PCSK9: variants seen among roughly 807,000 people sequenced by gnomAD.
The protein encoded by PCSK9 is convertase subtilisin/kexin type 9 preproprotein.
A neutral mutation model predicts 62.1 loss-of-function variants in PCSK9; 57 were observed. The ratio of observed to expected loss-of-function variants is 0.92; its 90% CI spans 0.74 to 1.14. The LOEUF is 1.14. Ranked by LOEUF, PCSK9 falls within the 50% of genes most tolerant of loss-of-function variation. The pLI is 0.00. For synonymous variants in PCSK9, 387 were observed against 409.4 expected, an observed-to-expected ratio of 0.95 and a Z score of 0.66; for missense variants, 870 against 959.8, an observed-to-expected ratio of 0.91 and a Z score of 1.24.
chr1:55,064,198 C>T lies in PCSK9; in HGVS notation c.*614C>T, dbSNP rs17111557. On this transcript the variant is annotated 3_prime_UTR_variant, in exon 12 of 12. Coordinates refer to ENST00000302118, the MANE Select transcript of PCSK9 (RefSeq NM_174936.4). ...GCTGTGCCTTGGTTTCCTGAGCCACCTTTACTCTGCTCTATGCCAGGCTGT... is the reference window on the plus strand; with the variant it reads ...GCTGTGCCTTGGTTTCCTGAGCCACTTTTACTCTGCTCTATGCCAGGCTGT... 0.03 allele frequency: 4,664 copies of T among 155,302 alleles called. 182 individuals are homozygous for T. The highest frequency in any genetic ancestry group is 0.088 in the African/African-American group (3,664 of 41,564). The allele number at this position is 155,302 out of a possible 1,614,324, so 9.6% of individuals were successfully genotyped here.
chr1:55,046,409 G>A (rs1644635115), intron 2 of PCSK9, 114 bp from the exon 3 acceptor site: 1 of 1,501,436 alleles, frequency 6.7e-7, no homozygotes, highest in Non-Finnish European at 9.2e-7. Flanking sequence ...AAGGTGGGAG[G>A]CTGCTGGGCT....
chr1:55,057,632 G>A (rs1644725398), intron 7 of PCSK9, 118 bp downstream of exon 7: 1 of 1,214,154 alleles, frequency 8.2e-7, no homozygotes, highest in Non-Finnish European at 1.2e-6. Flanking sequence ...GATGAAGTAG[G>A]CCTGATGGTG....
chr1:55,054,708 T>TA (rs1253448874), intron 5 of PCSK9, among the ~76,000 whole-genome samples: 4 of 152,142 alleles, frequency 2.6e-5, no homozygotes, highest in African/African-American at 9.7e-5. Flanking sequence ...GGCAGAGGGT[T>TA]AGAACTGTTA....
intron 3 of PCSK9, among the ~76,000 whole-genome samples, chr1:55,048,809 G>A (rs115451406): frequency 1.9e-3 from 289 of 152,342 alleles, no homozygotes; most frequent in African/African-American, 6.7e-3. Context: ...CACTCTGGGG[G>A]GCTGTTTGGA....
intron 9 of PCSK9, among the ~76,000 whole-genome samples, 184 bp downstream of exon 9, chr1:55,058,831 C>T (rs1370056139): frequency 2.0e-5 from 3 of 152,134 alleles, no homozygotes; most frequent in Admixed American, 6.5e-5. Flanking sequence ...TCACTTCACG[C>T]GGCTGGGGGC....
At chr1:55,049,999 ACG>A (rs1340843284) in intron 3 of PCSK9, among the ~76,000 whole-genome samples, 3 of 19,418 alleles carry the variant, frequency 1.5e-4, no homozygotes, top group Non-Finnish European at 4.2e-4. Context: ...CTCACACACG[ACG>A]AGGAACATGG....
chr1:55,042,913 C>A (rs1328375383), intron 1 of PCSK9, among the ~76,000 whole-genome samples: 2 of 152,182 alleles, frequency 1.3e-5, no homozygotes, highest in Non-Finnish European at 1.5e-5. Flanking sequence ...TGAGTAAGTT[C>A]TCCCGCTATG....
chr1:55,057,348 C>T lies in PCSK9; in HGVS notation c.1014C>T (p.Ala338=), dbSNP rs770539255. 2.5e-6 allele frequency: 4 copies of T among 1,613,846 alleles called. No individual in the cohort carries two copies. In the African/African-American group the frequency reaches 5.3e-5, roughly 22 times the overall value. The change falls in exon 7 of 12, where the codon GCC becomes GCT. Residue 338 remains alanine (A), a synonymous_variant. Transcript: ENST00000302118. The stretch of plus-strand genomic sequence containing the variant: ...CTTTCCAGGTCATCACAGTTGGGGC[C>T]ACCAATGCCCAAGACCAGCCGGTGA... ...ASAPEVITVG[A]TNAQDQPVTL...
intron 11 of PCSK9, among the ~76,000 whole-genome samples, chr1:55,062,532 C>T (rs974924143): frequency 3.9e-5 from 6 of 152,046 alleles, no homozygotes; most frequent in African/African-American, 1.5e-4. Context: ...TGAAAAGATG[C>T]GATGGAGAAA....
chr1:55,043,870 G>GT lies in PCSK9; in HGVS notation c.236dup (p.Val80GlyfsTer91). 1 of 1,614,168 alleles carries GT rather than the reference G, an allele frequency of 6.2e-7. No homozygotes were observed. The highest frequency in any genetic ancestry group is 8.5e-7 in the Non-Finnish European group (1 of 1,180,022). ...TCCGTGGAGGTTGCCTGGCACCTAC[G>GT]TGGTGGTGCTGAAGGAGGAGACCCA... On this transcript the variant is annotated frameshift_variant, in exon 2 of 12. Transcript: ENST00000302118. LOFTEE classifies it high-confidence loss of function.
Position 55,040,218 on chromosome 1 carries a change from G to A in PCSK9, c.207+174G>A, listed in dbSNP as rs1181429547. On this transcript the variant is annotated intron_variant, in intron 1 of 11. Coordinates refer to ENST00000302118, the MANE Select transcript of PCSK9 (RefSeq NM_174936.4). This position sits in a 1 kb window ranked among gnomAD's most constrained non-coding sequence, Gnocchi z 4.1. Reference sequence around the variant, plus strand: ...TGCAGGCAAGGCGGCGGGGGAGGACGGGTAGTGGGGAGCACGGTGGAGAGC... The same window carrying A: ...TGCAGGCAAGGCGGCGGGGGAGGACAGGTAGTGGGGAGCACGGTGGAGAGC... 1.3e-5 allele frequency among the ~76,000 whole-genome samples: 2 copies of A among 152,220 alleles called. No individual in the cohort carries two copies. The highest frequency in any genetic ancestry group is 2.9e-5 in the Non-Finnish European group (2 of 68,040).
chr1:55,049,118 G>A (rs1343593101), intron 3 of PCSK9, among the ~76,000 whole-genome samples: 1 of 152,250 alleles, frequency 6.6e-6, no homozygotes, highest in Non-Finnish European at 1.5e-5. Context: ...GCGAGCCTGT[G>A]TATCCAGCAG....
intron 3 of PCSK9, among the ~76,000 whole-genome samples, chr1:55,047,687 G>C (rs1434087656): frequency 6.6e-6 from 1 of 152,236 alleles, no homozygotes; most frequent in African/African-American, 2.4e-5. Context: ...CATTGCAACA[G>C]ATCAGAGCTG....
In PCSK9 at chr1:55,040,441, C is replaced by G. The variant is rs1319148944; in HGVS notation, c.207+397C>G. 6.6e-6 allele frequency among the ~76,000 whole-genome samples: 1 copy of G among 152,148 alleles called. No homozygotes were observed. The highest frequency in any genetic ancestry group is 1.5e-5 in the Non-Finnish European group (1 of 68,026). ...GTGAATGCCTGGAACGTACTGGGAACTGCACCAGGCACAGAGAAAGCGGGC... is the reference window on the plus strand; with the variant it reads ...GTGAATGCCTGGAACGTACTGGGAAGTGCACCAGGCACAGAGAAAGCGGGC... On this transcript the variant is annotated intron_variant, in intron 1 of 11. Transcript: ENST00000302118. The surrounding 1 kb of genome is among the most constrained non-coding windows in gnomAD (Gnocchi z 4.1).
In PCSK9 at chr1:55,056,120, C is replaced by A; in HGVS notation, c.927C>A (p.Val309=). The change falls in exon 6 of 12, where the codon GTC becomes GTA. Residue 309 remains valine, a synonymous_variant. Transcript: ENST00000302118. ...GCCAGCGCCTGGCGAGGGCTGGGGT[C>A]GTGCTGGTCACCGCTGCCGGCAACT... ...AACQRLARAG[V]VLVTAAGNFR... is the part of the protein sequence containing the mutation. The A allele has an allele frequency of 3.8e-6, 6 of 1,578,030 alleles. No individual in the cohort carries two copies. Among genetic ancestry groups the A allele is most frequent in the Non-Finnish European group, 5.2e-6 (6 of 1,157,068 alleles).
chr1:55,060,817 G>C (rs951894075), intron 10 of PCSK9, among the ~76,000 whole-genome samples: 2 of 152,206 alleles, frequency 1.3e-5, no homozygotes, highest in Admixed American at 6.5e-5. Context: ...CACATGCCAG[G>C]CTCCATGCTG....
chr1:55,053,558 A>T (rs45545732), intron 5 of PCSK9, among the ~76,000 whole-genome samples: 13,334 of 152,094 alleles, frequency 0.088, 1,014 homozygotes, highest in African/African-American at 0.2. Flanking sequence ...CAGCAGCTTG[A>T]CTTCCACTGT....
intron 3 of PCSK9, chr1:55,052,013 G>C (rs888043168): frequency 3.7e-6 from 2 of 545,624 alleles, no homozygotes; most frequent in African/African-American, 3.8e-5. Flanking sequence ...GAAGGAGCAG[G>C]ATGACTTGGG....
At chr1:55,054,143 G>A (rs1644695624) in intron 5 of PCSK9, among the ~76,000 whole-genome samples, 1 of 152,180 alleles carries the variant, frequency 6.6e-6, no homozygotes, top group South Asian at 2.1e-4. Context: ...CAGCACTTTG[G>A]GAGGCCGAGG....
Sources: gnomAD v4.1 joint callset for allele counts (sites outside exome capture counted in the v4.1 genomes callset) on GRCh38, gnomAD v4.1.1 for gene constraint, Gnocchi (gnomAD v3.1) non-coding constraint, MANE v1.5 for transcripts, NCBI Gene and HGNC (gene_info 2026-07-23, HGNC 2026-07-21) for gene names.